BTN3A1: variants seen among roughly 807,000 people sequenced by gnomAD.
BTN3A1 encodes butyrophilin subfamily 3 member A1, also known as dJ45P21.3 (butyrophilin, subfamily 3, member A1).
A neutral mutation model predicts 43.0 loss-of-function variants in BTN3A1; 24 were observed. The ratio of observed to expected loss-of-function variants is 0.56; its 90% confidence interval spans 0.40 to 0.78. BTN3A1 has a LOEUF of 0.78. BTN3A1 is among the 30% of genes least tolerant of loss of function. The pLI, the probability that BTN3A1 is intolerant of heterozygous loss-of-function variation, is 0.00. For missense variants in BTN3A1, 533 were observed against 626.2 expected (o/e 0.85, Z 1.59); for synonymous variants, 181 against 234.7 (o/e 0.77, Z 2.09).
intron 8 of BTN3A1, 138 bp from the exon 9 acceptor site, chr6:26,411,417 A>G (rs1762213305): frequency 1.8e-6 from 2 of 1,114,532 alleles, no homozygotes; most frequent in East Asian, 2.4e-5. Context: ...CTGATCCATC[A>G]GAGCTGTAGA....
intron 4 of BTN3A1, among the ~76,000 whole-genome samples, chr6:26,409,320 G>A (rs552259017): frequency 4.6e-5 from 7 of 152,284 alleles, no homozygotes; most frequent in South Asian, 4.1e-4. Context: ...AGAGGCAGAC[G>A]TCTCAAGAGA....
chr6:26,404,123 C>CT (rs1481614298), intron 1 of BTN3A1: 1 of 152,218 alleles, frequency 6.6e-6, no homozygotes, highest in Non-Finnish European at 1.5e-5. Flanking sequence ...CCCTCCCCAC[C>CT]TCCCTCTGCA....
In BTN3A1 at chr6:26,406,168, C is replaced by T. The variant is rs2393650; in HGVS notation, c.345C>T (p.Asn115=). 0.038 allele frequency: 56,846 copies of T among 1,483,236 alleles called. 7,649 individuals are homozygous for T. The African/African-American group carries it at 0.47, about 12-fold the overall frequency. The allele number at this position is 1,483,236 out of a possible 1,614,324, so 91.9% of individuals were successfully genotyped here. A position where few individuals can be genotyped will look rare whatever the true frequency, so the allele number is the denominator to read the frequency against. The part of the protein sequence containing the change: ...TAGKAALRIH[N]VTASDSGKYL... ...GGAAGGCTGCTCTCCGAATACACAACGTCACAGCCTCTGACAGTGGAAAGT... is the reference window on the plus strand; with the variant it reads ...GGAAGGCTGCTCTCCGAATACACAATGTCACAGCCTCTGACAGTGGAAAGT... The change falls in exon 3 of 10, where the codon AAC becomes AAT. Residue 115 remains asparagine, a synonymous_variant. Transcript: ENST00000289361.
Position 26,405,943 on chromosome 6 carries a change from C to G in BTN3A1, c.120C>G (p.Ile40Met), listed in dbSNP as rs936292956. 1 of 1,613,332 alleles carries G rather than the reference C, an allele frequency of 6.2e-7. No homozygotes were observed. The highest frequency in any genetic ancestry group is 8.5e-7 in the Non-Finnish European group (1 of 1,179,640). The part of the protein sequence containing the change: ...QFSVLGPSGP[I>M]LAMVGEDADL... The stretch of plus-strand genomic sequence containing the variant: ...CTGTGCTTGGACCCTCTGGGCCCAT[C>G]CTGGCCATGGTGGGTGAAGACGCTG... The change falls in exon 3 of 10, where the codon ATC becomes ATG. Residue 40 changes from isoleucine to methionine, a missense_variant. This residue lies in a region of BTN3A1 where 56 missense variants were observed against 67.1 expected (regional missense o/e 0.83). Coordinates refer to ENST00000289361, the MANE Select transcript of BTN3A1 (RefSeq NM_007048.6).
intron 1 of BTN3A1, among the ~76,000 whole-genome samples, chr6:26,404,886 T>C (rs1761961518): frequency 6.6e-6 from 1 of 152,260 alleles, no homozygotes; most frequent in African/African-American, 2.4e-5. Context: ...TTGCTTACCC[T>C]CTTTGTGTCC....
At chr6:26,409,465 T>G in intron 4 of BTN3A1, 68 bp from the exon 5 acceptor site, 2 of 1,463,954 alleles carry the variant, frequency 1.4e-6, no homozygotes, top group East Asian at 2.3e-5. Flanking sequence ...CAGCTAACAC[T>G]TGGGGCGCTG....
intron 9 of BTN3A1, chr6:26,412,558 A>G: frequency 9.7e-6 from 15 of 1,548,416 alleles, no homozygotes; most frequent in Non-Finnish European, 1.3e-5. Flanking sequence ...TAGGGCATAT[A>G]AGGCACCACA....
In BTN3A1 at chr6:26,413,910, C is replaced by T. The variant is rs895093550; in HGVS notation, c.*218C>T. 1 of 753,416 alleles carries T rather than the reference C, an allele frequency of 1.3e-6. No homozygotes were observed. The highest frequency in any genetic ancestry group is 2.1e-6 in the Non-Finnish European group (1 of 475,162). 46.7% of individuals were successfully genotyped at this position (753,416 alleles called of 1,614,324 possible). A position where few individuals can be genotyped will look rare whatever the true frequency, so the allele number is the denominator to read the frequency against. On this transcript the variant is annotated 3_prime_UTR_variant, in exon 10 of 10. Coordinates refer to ENST00000289361, the MANE Select transcript of BTN3A1 (RefSeq NM_007048.6). ...CGCACTGAAGCACTTTACTGATACT[C>T]ATTCAATTATTCATATGACAGTTGT...
At chr6:26,411,261 G>T (rs1762207731) in intron 8 of BTN3A1, 126 bp downstream of exon 8, 3 of 1,288,046 alleles carry the variant, frequency 2.3e-6, no homozygotes, top group African/African-American at 3.0e-5. Context: ...GACTCAATTT[G>T]TGTGTTGTGG....
Position 26,409,730 on chromosome 6 carries a change from A to G in BTN3A1, c.913A>G (p.Arg305Gly). The G allele has an allele frequency of 1.3e-6, 2 of 1,572,220 alleles. No individual in the cohort carries two copies. Among genetic ancestry groups the G allele is most frequent in the Non-Finnish European group, 8.6e-7 (1 of 1,162,852 alleles). Residue 305 changes from arginine to glycine, a missense_variant, in exon 5 of 10, where the codon AGA becomes GGA. This residue lies in a region of BTN3A1 where 415 missense variants were observed against 427.0 expected (regional missense o/e 0.97). Transcript: ENST00000289361. ...CACAATGAAGCAAGAACAAAGCACA[A>G]GAGGTAGCTGACCTTGGGAGTTTAT... ...WSTMKQEQST[R>G]VKLLEELRWR...
In BTN3A1 at chr6:26,405,964, C is replaced by T. The variant is rs200982319; in HGVS notation, c.141C>T (p.Asp47=). 9 of 1,602,896 alleles carry T rather than the reference C, an allele frequency of 5.6e-6. No individual in the cohort carries two copies. The highest frequency in any genetic ancestry group is 1.1e-5 in the South Asian group (1 of 89,064). ...SGPILAMVGE[D]ADLPCHLFPT... ...CCATCCTGGCCATGGTGGGTGAAGA[C>T]GCTGATCTGCCCTGTCACCTGTTCC... is the stretch of plus-strand genomic sequence containing the variant. Residue 47 remains aspartate, a synonymous_variant, in exon 3 of 10, where the codon GAC becomes GAT. Transcript: ENST00000289361.
chr6:26,409,298 A>C (rs1031641269), intron 4 of BTN3A1, among the ~76,000 whole-genome samples: 3 of 152,178 alleles, frequency 2.0e-5, no homozygotes, highest in Non-Finnish European at 4.4e-5. Context: ...CAAGTCACTC[A>C]CTTTCCACAT....
rs542995779 is a variant in BTN3A1, at chr6:26,410,775, ATGTATATATATATG to A, written c.965-317_965-304del. ...TATACACATATATATGTGCATATAT[ATGTATATATATATG>A]TGTATATATATATGTGCATATAGAC... On this transcript the variant is annotated intron_variant, in intron 7 of 9. Coordinates refer to ENST00000289361, the MANE Select transcript of BTN3A1 (RefSeq NM_007048.6). Among the ~76,000 whole-genome samples, 25 of 150,062 alleles carry A rather than the reference ATGTATATATATATG, an allele frequency of 1.7e-4. No homozygotes were observed. In the South Asian group the frequency reaches 3.1e-3, roughly 19 times the overall value.
intron 1 of BTN3A1, among the ~76,000 whole-genome samples, chr6:26,405,086 C>T (rs2113785211): frequency 6.6e-6 from 1 of 152,308 alleles, no homozygotes; most frequent in East Asian, 1.9e-4. Context: ...AAGCAGTCTT[C>T]CTTAATCCTA....
intron 4 of BTN3A1, among the ~76,000 whole-genome samples, chr6:26,408,547 TTAGC>T (rs1762098548): frequency 6.6e-6 from 1 of 152,220 alleles, no homozygotes; most frequent in Admixed American, 6.5e-5. Context: ...TTGGTGTGCA[TTAGC>T]ACAACCTCTG....
At chr6:26,412,241 A>C in intron 9 of BTN3A1, 1 of 569,300 alleles carries the variant, frequency 1.8e-6, no homozygotes, top group Non-Finnish European at 3.2e-6. Flanking sequence ...TGGGACGGCT[A>C]GGGAGGGGAG....
At chr6:26,408,054 T>TATA in intron 4 of BTN3A1, 102 bp downstream of exon 4, 1 of 1,538,986 alleles carries the variant, frequency 6.5e-7, no homozygotes, top group Non-Finnish European at 8.8e-7. Context: ...CTGCACTGAA[T>TATA]ATAAGGCCCA....
At position 26,411,062 on chromosome 6, in the gene BTN3A1, C is replaced by A. The variant is rs369570538; in HGVS notation, c.965-47C>A. 5.8e-5 allele frequency: 75 copies of A among 1,287,882 alleles called. No homozygotes were observed. The African/African-American group carries it at 6.6e-4, about 11-fold the overall frequency. 79.8% of individuals were successfully genotyped at this position (1,287,882 alleles called of 1,614,324 possible). A position where few individuals can be genotyped will look rare whatever the true frequency, so the allele number is the denominator to read the frequency against. The stretch of plus-strand genomic sequence containing the variant: ...TAAAGTTAAGGGAATGGGGCCAAAT[C>A]AAAAATGGCAAGTTCAGGTGACATC... On this transcript the variant is annotated intron_variant, in intron 7 of 9. Coordinates refer to ENST00000289361, the MANE Select transcript of BTN3A1 (RefSeq NM_007048.6).
intron 9 of BTN3A1, 29 bp from the exon 10 acceptor site, chr6:26,413,140 T>G (rs6901245): frequency 0.16 from 253,256 of 1,585,784 alleles, 21,485 homozygotes; most frequent in South Asian, 0.23. Context: ...ATGGTTGACC[T>G]CATGGACACT....
Sources: allele counts gnomAD v4.1 joint callset (sites outside exome capture counted in the v4.1 genomes callset), GRCh38; gene constraint gnomAD v4.1.1; regional missense constraint gnomAD v4.1.1; transcripts MANE v1.5; gene names NCBI Gene and HGNC (gene_info 2026-07-23, HGNC 2026-07-21).